Variants in RBM34 observed in about 807,000 individuals in gnomAD.
The protein encoded by RBM34 is RNA binding motif protein 34.
RBM34 carries 39 observed loss-of-function variants against 44.6 expected under a neutral mutation model. The ratio of observed to expected loss-of-function variants is 0.87; its 90% CI spans 0.68 to 1.14. RBM34 has a LOEUF of 1.14. RBM34 is among the 50% of genes most tolerant of loss of function. The pLI, the probability that RBM34 is intolerant of heterozygous loss-of-function variation, is 0.00. For synonymous variants in RBM34, 194 were observed against 184.0 expected, an observed-to-expected ratio of 1.05 and a Z score of -0.44; for missense variants, 572 against 517.9, an observed-to-expected ratio of 1.10 and a Z score of -1.01.
intron 5 of RBM34, 148 bp from the exon 6 acceptor site, chr1:235,148,595 A>ATTTT: frequency 5.7e-6 from 2 of 352,776 alleles, no homozygotes; most frequent in South Asian, 5.4e-5. Context: ...AACTGTCCTA[A>ATTTT]TTTTTTTTTT....
At chr1:235,159,760 G>T (rs968949232) in intron 3 of RBM34, among the ~76,000 whole-genome samples, 1 of 150,360 alleles carries the variant, frequency 6.7e-6, no homozygotes, top group Admixed American at 6.6e-5. Context: ...TCAGCTCCAC[G>T]GGAGGCCTGA....
chr1:235,137,558 G>A (rs1182506946), intron 8 of RBM34, among the ~76,000 whole-genome samples: 1 of 78,312 alleles, frequency 1.3e-5, no homozygotes, highest in African/African-American at 4.9e-5. Context: ...TTTTTTTTTT[G>A]TAAAGGCAGG....
At chr1:235,153,446 C>CA (rs1662253209) in intron 4 of RBM34, among the ~76,000 whole-genome samples, 1 of 145,534 alleles carries the variant, frequency 6.9e-6, no homozygotes, top group African/African-American at 2.5e-5. Context: ...TTTTTTGAGA[C>CA]AGAGTCTCAC....
chr1:235,155,725 G>C (rs1007342033), intron 3 of RBM34, among the ~76,000 whole-genome samples: 2 of 147,648 alleles, frequency 1.4e-5, no homozygotes, highest in Non-Finnish European at 3.0e-5. Flanking sequence ...GGCTAGTCTT[G>C]AACTCCTGAC....
Position 235,144,004 on chromosome 1 carries a change from T to A in RBM34, c.701+4400A>T, listed in dbSNP as rs1286964861. Among the ~76,000 whole-genome samples, 3 of 152,100 alleles carry A rather than the reference T, an allele frequency of 2.0e-5. No homozygotes were observed. The East Asian group carries it at 5.8e-4, about 29-fold the overall frequency. On this transcript the variant is annotated intron_variant, in intron 6 of 10. Transcript: ENST00000408888. Reference sequence around the variant, plus strand: ...GACCAGTCTGGGCATTAGTGACACCTTGGCTCTACTAAAAACTTAAAAATC... The same window carrying A: ...GACCAGTCTGGGCATTAGTGACACCATGGCTCTACTAAAAACTTAAAAATC...
intron 3 of RBM34, among the ~76,000 whole-genome samples, chr1:235,158,045 T>TG (rs1460673842): frequency 4.8e-5 from 7 of 145,740 alleles, no homozygotes; most frequent in Non-Finnish European, 6.0e-5. Flanking sequence ...TGCAATTACA[T>TG]GGGTTTTTTT....
At chr1:235,143,269 A>T (rs1258573860) in intron 6 of RBM34, among the ~76,000 whole-genome samples, 3 of 152,244 alleles carry the variant, frequency 2.0e-5, no homozygotes, top group Admixed American at 2.0e-4. Context: ...AGGAATGTAA[A>T]ATGGTACAAA....
rs1488406684 is a variant in RBM34 at position 235,155,859 on chromosome 1, A to G, written c.366-747T>C. On this transcript the variant is annotated intron_variant, in intron 3 of 10. Transcript: ENST00000408888. Reference sequence around the variant, plus strand: ...TATATATATATATATATATATATATATATATATACATATATACTTTTTTTT... The same window carrying G: ...TATATATATATATATATATATATATGTATATATACATATATACTTTTTTTT... Among the ~76,000 whole-genome samples, 3 of 30,198 alleles carry G rather than the reference A, an allele frequency of 9.9e-5. 1 individual carries two copies. The highest frequency in any genetic ancestry group is 5.6e-4 in the African/African-American group (3 of 5,390). 19.8% of individuals were successfully genotyped at this position (30,198 alleles called of 152,430 possible). A position where few individuals can be genotyped will look rare whatever the true frequency, so the allele number is the denominator to read the frequency against.
chr1:235,159,980 G>A (rs1195535600), intron 3 of RBM34, among the ~76,000 whole-genome samples: 2 of 152,056 alleles, frequency 1.3e-5, no homozygotes, highest in Admixed American at 1.3e-4. Flanking sequence ...GTAGCTGGGC[G>A]AGGTGGCTCA....
At position 235,131,710 on chromosome 1, in the gene RBM34, T is replaced by C; in HGVS notation, c.*3A>G. Reference sequence around the variant, plus strand: ...CAGGAAAAGAAAAAGCAGTTCCTGGTTGTTATTTCTGTTTTCTCTGTTTCT... The same window carrying C: ...CAGGAAAAGAAAAAGCAGTTCCTGGCTGTTATTTCTGTTTTCTCTGTTTCT... On this transcript the variant is annotated 3_prime_UTR_variant, in exon 11 of 11. Coordinates refer to ENST00000408888, the MANE Select transcript of RBM34 (RefSeq NM_015014.4). 1 of 1,582,438 alleles carries C rather than the reference T, an allele frequency of 6.3e-7. No homozygotes were observed. The highest frequency in any genetic ancestry group is 1.2e-5 in the South Asian group (1 of 86,022).
chr1:235,155,665 A>C (rs1356369995), intron 3 of RBM34, among the ~76,000 whole-genome samples: 1 of 143,356 alleles, frequency 7.0e-6, no homozygotes, highest in East Asian at 2.2e-4. Context: ...CCATCATGCC[A>C]GGCTAATTTT....
intron 10 of RBM34, among the ~76,000 whole-genome samples, chr1:235,133,762 T>C (rs572781008): frequency 2.2e-4 from 33 of 152,338 alleles, no homozygotes; most frequent in African/African-American, 7.5e-4. Context: ...AAATGTGCCA[T>C]TTTATATAAG....
intron 3 of RBM34, 98 bp downstream of exon 3, chr1:235,160,411 GAA>G (rs1662654777): frequency 6.9e-7 from 1 of 1,448,234 alleles, no homozygotes; most frequent in Admixed American, 1.9e-5. Context: ...AGTTTTGAAA[GAA>G]AGTAGAAATA....
chr1:235,160,068 A>G lies in RBM34; in HGVS notation c.365+443T>C, dbSNP rs1662631406. ...CAGGAGTTCCAGACCTGCCTGGCCAACATGGTGAAACCCTGTCTCCACTAA... is the reference window on the plus strand; with the variant it reads ...CAGGAGTTCCAGACCTGCCTGGCCAGCATGGTGAAACCCTGTCTCCACTAA... On this transcript the variant is annotated intron_variant, in intron 3 of 10. Transcript: ENST00000408888. The G allele has an allele frequency of 1.4e-5, 4 of 280,978 alleles. No homozygotes were observed. In the Admixed American group the frequency reaches 1.8e-4, roughly 12 times the overall value. 17.4% of individuals were successfully genotyped at this position (280,978 alleles called of 1,614,324 possible). A position where few individuals can be genotyped will look rare whatever the true frequency, so the allele number is the denominator to read the frequency against.
Position 235,154,995 on chromosome 1 carries a change from T to C in RBM34, c.483A>G (p.Thr161=). The C allele has an allele frequency of 6.2e-7, 1 of 1,614,112 alleles. No individual in the cohort carries two copies. Among genetic ancestry groups the C allele is most frequent in the South Asian group, 1.1e-5 (1 of 91,086 alleles). The part of the protein sequence containing the change: ...KVADRKILDD[T]EDTVVSQRKK... ...TTCTTTGACTGACAACTGTGTCTTC[T>C]GTGTCATCAAGTATTTTTCTATCTG... The change falls in exon 4 of 11, where the codon ACA becomes ACG. Residue 161 remains threonine, a synonymous_variant. Coordinates refer to ENST00000408888, the MANE Select transcript of RBM34 (RefSeq NM_015014.4).
rs1172462826 is a variant in RBM34, at chr1:235,155,822, CATATAT to C, written c.366-716_366-711del. 8.8e-3 allele frequency among the ~76,000 whole-genome samples: 563 copies of C among 64,008 alleles called. 6 individuals carry two copies. Among genetic ancestry groups the C allele is most frequent in the African/African-American group, 0.012 (100 of 8,646 alleles). 42.0% of individuals were successfully genotyped at this position (64,008 alleles called of 152,430 possible). ...GTCCAGTCTTTTATACATACATATA[CATATAT>C]ATATATATATATATATATATATATA... On this transcript the variant is annotated intron_variant, in intron 3 of 10. Transcript: ENST00000408888.
At chr1:235,147,360 T>C (rs867906170) in intron 6 of RBM34, among the ~76,000 whole-genome samples, 1 of 152,246 alleles carries the variant, frequency 6.6e-6, no homozygotes, top group Non-Finnish European at 1.5e-5. Flanking sequence ...TACTTGTACA[T>C]ACACCTGTCA....
chr1:235,160,626 G>T lies in RBM34; in HGVS notation c.250C>A (p.Arg84=), dbSNP rs774851152. ...GATGTACTTTCTTCCTCCTCATTCC[G>T]TTTCGTTTTTTTGATGGTTTGCTTT... ...VPKQTIKKTK[R]NEEEESTSQI... The change falls in exon 3 of 11, where the codon CGG becomes AGG. Residue 84 remains arginine (R), a synonymous_variant. Transcript: ENST00000408888. 1.2e-6 allele frequency: 2 copies of T among 1,610,814 alleles called. No individual in the cohort carries two copies. The highest frequency in any genetic ancestry group is 1.3e-5 in the African/African-American group (1 of 74,752).
At position 235,160,926 on chromosome 1, in the gene RBM34, G is replaced by C. The variant is rs1161029398; in HGVS notation, c.195C>G (p.Pro65=). 1.4e-5 allele frequency: 23 copies of C among 1,614,020 alleles called. No individual in the cohort carries two copies. Among genetic ancestry groups the C allele is most frequent in the Non-Finnish European group, 1.9e-5 (22 of 1,180,046 alleles). The part of the protein sequence containing the change: ...RLASLFSSLE[P]QIQPVYVPVP... ...CAGGCACGTACACGGGTTGAATCTGGGGCTCCAGAGAACTGAAGAGGGACG... is the reference window on the plus strand; with the variant it reads ...CAGGCACGTACACGGGTTGAATCTGCGGCTCCAGAGAACTGAAGAGGGACG... Residue 65 remains proline, a synonymous_variant, in exon 2 of 11, where the codon CCC becomes CCG. Transcript: ENST00000408888.
Sources: allele counts gnomAD v4.1 joint callset (sites outside exome capture counted in the v4.1 genomes callset), GRCh38; gene constraint gnomAD v4.1.1; transcripts MANE v1.5; gene names NCBI Gene and HGNC (gene_info 2026-07-23, HGNC 2026-07-21).